The following CERS6 variants were observed in gnomAD, a reference collection of about 807,000 sequenced individuals.
CERS6 encodes the protein ceramide synthase 6.
Under a neutral mutation model 56.8 loss-of-function variants are expected in CERS6, and 26 were observed. That is an observed-to-expected ratio of 0.46 (90% CI 0.34 to 0.63). The LOEUF is 0.63. Among genes scored for constraint, CERS6 ranks in the 30% least tolerant of loss-of-function variants. The pLI is 0.01. For missense variants in CERS6, 415 were observed against 467.5 expected (o/e 0.89, Z 1.04); for synonymous variants, 164 against 173.3 (o/e 0.95, Z 0.42).
At chr2:168,746,421 C>T (rs965450940) in intron 8 of CERS6, among the ~76,000 whole-genome samples, 1 of 152,036 alleles carries the variant, frequency 6.6e-6, no homozygotes, top group African/African-American at 2.4e-5. Context: ...GCAGTCTCCA[C>T]TAACAGACCT....
intron 3 of CERS6, among the ~76,000 whole-genome samples, chr2:168,603,934 A>C (rs747302118): frequency 6.6e-6 from 1 of 152,182 alleles, no homozygotes; most frequent in Non-Finnish European, 1.5e-5. Flanking sequence ...TCTAGCTCTG[A>C]ATCTCCACAT....
chr2:168,615,242 C>G (rs946513752), intron 3 of CERS6, among the ~76,000 whole-genome samples: 1 of 152,134 alleles, frequency 6.6e-6, no homozygotes, highest in Non-Finnish European at 1.5e-5. Context: ...CATCTTCCCC[C>G]TGACATAGCC....
At chr2:168,607,689 A>G (rs1174913693) in intron 3 of CERS6, among the ~76,000 whole-genome samples, 2 of 152,190 alleles carry the variant, frequency 1.3e-5, no homozygotes, top group South Asian at 2.1e-4. Context: ...CAAAACTAGT[A>G]TATCTTAATA....
chr2:168,726,095 A>G (rs1016870008), intron 8 of CERS6, among the ~76,000 whole-genome samples: 8 of 152,198 alleles, frequency 5.3e-5, no homozygotes. Flanking sequence ...TACAGTGGCT[A>G]CTCAGTATTT....
At chr2:168,508,429 G>C (rs1694719342) in intron 1 of CERS6, among the ~76,000 whole-genome samples, 1 of 152,184 alleles carries the variant, frequency 6.6e-6, no homozygotes, top group African/African-American at 2.4e-5. Context: ...TCAGGCTTGA[G>C]TGAACACTTT....
chr2:168,681,884 GGT>G (rs1252225394), intron 4 of CERS6, among the ~76,000 whole-genome samples: 5 of 152,064 alleles, frequency 3.3e-5, no homozygotes, highest in Admixed American at 3.3e-4. Flanking sequence ...GAGAACCTGA[GGT>G]ACTTGTCTTT....
chr2:168,587,208 T>C (rs1334823214), intron 3 of CERS6, among the ~76,000 whole-genome samples: 1 of 152,072 alleles, frequency 6.6e-6, no homozygotes, highest in African/African-American at 2.4e-5. Context: ...AAATAAAATA[T>C]AAAGTAAAAC....
chr2:168,642,996 A>C (rs994975493), intron 4 of CERS6, among the ~76,000 whole-genome samples: 1 of 152,228 alleles, frequency 6.6e-6, no homozygotes, highest in Non-Finnish European at 1.5e-5. Context: ...CATGATGTTC[A>C]GTATTGGCGG....
intron 1 of CERS6, among the ~76,000 whole-genome samples, chr2:168,529,491 G>A (rs1301185444): frequency 2.0e-5 from 3 of 152,122 alleles, no homozygotes; most frequent in Non-Finnish European, 4.4e-5. Flanking sequence ...ACCAGGTACC[G>A]ATCATTGATG....
chr2:168,715,397 A>G (rs1391474459), intron 7 of CERS6, among the ~76,000 whole-genome samples: 2 of 152,222 alleles, frequency 1.3e-5, no homozygotes, highest in Non-Finnish European at 2.9e-5. Context: ...TTTACAAAGG[A>G]AAATCATTAT....
chr2:168,646,728 A>G (rs1685212303), intron 4 of CERS6, among the ~76,000 whole-genome samples: 1 of 152,180 alleles, frequency 6.6e-6, no homozygotes, highest in South Asian at 2.1e-4. Flanking sequence ...GGTGTAAGGA[A>G]GGGGTCCAGC....
chr2:168,559,646 G>A (rs1027161631), intron 2 of CERS6, among the ~76,000 whole-genome samples: 1 of 149,144 alleles, frequency 6.7e-6, no homozygotes, highest in African/African-American at 2.5e-5. Context: ...ATGGGCATGT[G>A]GGTTTCAACA....
At chr2:168,752,376 G>T (rs1249212521) in intron 8 of CERS6, among the ~76,000 whole-genome samples, 20 of 151,484 alleles carry the variant, frequency 1.3e-4, no homozygotes, top group Admixed American at 1.3e-3. Flanking sequence ...GCGTCACCAA[G>T]TTATATATAA....
chr2:168,497,746 C>G (rs1227475294), intron 1 of CERS6, among the ~76,000 whole-genome samples: 1 of 152,194 alleles, frequency 6.6e-6, no homozygotes, highest in Non-Finnish European at 1.5e-5. Context: ...GGCTTTTACT[C>G]TGAGTGACAT....
intron 6 of CERS6, among the ~76,000 whole-genome samples, chr2:168,702,936 A>G (rs1378900744): frequency 1.3e-5 from 2 of 152,214 alleles, no homozygotes; most frequent in African/African-American, 4.8e-5. Flanking sequence ...AAATGTATAC[A>G]CAGTTATGAG....
intron 8 of CERS6, among the ~76,000 whole-genome samples, chr2:168,739,993 G>A (rs1053377769): frequency 2.6e-5 from 4 of 152,018 alleles, no homozygotes; most frequent in Admixed American, 6.6e-5. Flanking sequence ...GAGTCACTGC[G>A]CCCAGCCTGG....
intron 4 of CERS6, among the ~76,000 whole-genome samples, chr2:168,635,603 A>G (rs1684844774): frequency 2.0e-5 from 3 of 152,244 alleles, no homozygotes; most frequent in South Asian, 2.1e-4. Context: ...AACTAGCCCA[A>G]TTGTCTCATA....
chr2:168,524,930 A>G (rs1481414050), intron 1 of CERS6, among the ~76,000 whole-genome samples: 1 of 152,042 alleles, frequency 6.6e-6, no homozygotes, highest in African/African-American at 2.4e-5. Flanking sequence ...ATCTCTAGCT[A>G]TGTGGACATT....
intron 8 of CERS6, among the ~76,000 whole-genome samples, chr2:168,751,416 C>T (rs2105445456): frequency 6.6e-6 from 1 of 152,284 alleles, no homozygotes; most frequent in Non-Finnish European, 1.5e-5. Context: ...ATAAATTAAG[C>T]TTTGTTCTCT....
Sources: gnomAD v4.1 joint callset for allele counts (sites outside exome capture counted in the v4.1 genomes callset) on GRCh38, gnomAD v4.1.1 for gene constraint, MANE v1.5 for transcripts, NCBI Gene and HGNC (gene_info 2026-07-23, HGNC 2026-07-21) for gene names.